ATP11A: variants seen among roughly 807,000 people sequenced by gnomAD.
ATP11A encodes the protein phospholipid-transporting ATPase IH.
A neutral mutation model predicts 154.4 loss-of-function variants in ATP11A; 81 were observed. The observed-to-expected ratio is 0.52, with a 90% CI of 0.44 to 0.63. The LOEUF (loss-of-function observed/expected upper bound fraction) is 0.63, where lower values mean the gene tolerates loss of function less well. Among genes scored for constraint, ATP11A ranks in the 30% least tolerant of loss-of-function variants. The pLI is 0.00. For missense variants in ATP11A, 1,316 were observed against 1,474.3 expected, an observed-to-expected ratio of 0.89 and a Z score of 1.76; for synonymous variants, 623 against 585.9, an observed-to-expected ratio of 1.06 and a Z score of -0.91.
intron 2 of ATP11A, among the ~76,000 whole-genome samples, chr13:112,793,765 G>A (rs1048278704): frequency 6.6e-6 from 1 of 152,264 alleles, no homozygotes; most frequent in East Asian, 1.9e-4. Context: ...ACAGCTTGTA[G>A]GTGCTCCTGC....
At position 112,859,283 on chromosome 13, in the gene ATP11A, C is replaced by T. The variant is rs1594199261; in HGVS notation, c.2668-110C>T. On this transcript the variant is annotated intron_variant, in intron 22 of 29. Transcript: ENST00000375645. The surrounding 1 kb of genome is among the most constrained non-coding windows in gnomAD (Gnocchi z 4.3). The stretch of plus-strand genomic sequence containing the variant: ...AACCCATTAGTGCTGTTCTGCCGCA[C>T]GCTGGGTGCACGTGGATCCCTCCTC... 5 of 847,514 alleles carry T rather than the reference C, an allele frequency of 5.9e-6. No homozygotes were observed. The highest frequency in any genetic ancestry group is 4.0e-5 in the South Asian group (3 of 74,110). 52.5% of individuals were successfully genotyped at this position (847,514 alleles called of 1,614,324 possible).
chr13:112,809,897 C>T (rs1168920102), intron 4 of ATP11A, among the ~76,000 whole-genome samples: 1 of 152,202 alleles, frequency 6.6e-6, no homozygotes, highest in Non-Finnish European at 1.5e-5. Flanking sequence ...AATCGGAGTG[C>T]ACGTGTCTGC....
At chr13:112,848,712 A>C (rs762304506) in intron 17 of ATP11A, among the ~76,000 whole-genome samples, 11 of 152,086 alleles carry the variant, frequency 7.2e-5, no homozygotes, top group Non-Finnish European at 1.6e-4. Context: ...TTTGAGACAG[A>C]GTTTTGCTCT....
chr13:112,831,602 A>G, intron 13 of ATP11A, 54 bp downstream of exon 13: 3 of 1,580,894 alleles, frequency 1.9e-6, no homozygotes, highest in South Asian at 2.3e-5. Context: ...GCGGCTGTGC[A>G]TGCTGAGTCC....
At chr13:112,714,270 C>T (rs946587375) in intron 1 of ATP11A, among the ~76,000 whole-genome samples, 44 of 151,976 alleles carry the variant, frequency 2.9e-4, no homozygotes, top group African/African-American at 9.9e-4. Context: ...TTTCCTTCCC[C>T]GATTAGCACC....
At chr13:112,730,493 C>G (rs984319792) in intron 1 of ATP11A, among the ~76,000 whole-genome samples, 5 of 152,356 alleles carry the variant, frequency 3.3e-5, no homozygotes, top group Admixed American at 1.3e-4. Flanking sequence ...TGAATAACTC[C>G]TGACACATCC....
At chr13:112,823,479 G>A (rs572204344) in intron 9 of ATP11A, 70 bp downstream of exon 9, 47 of 1,315,556 alleles carry the variant, frequency 3.6e-5, no homozygotes, top group African/African-American at 1.5e-4. Flanking sequence ...GTTAAAACCC[G>A]CAGCGGAACC....
chr13:112,868,547 A>C (rs2080412547), intron 25 of ATP11A, among the ~76,000 whole-genome samples: 1 of 152,158 alleles, frequency 6.6e-6, no homozygotes, highest in African/African-American at 2.4e-5. Context: ...TCACATGAGG[A>C]CAGGGTTCCA....
rs61961578 is a variant in ATP11A at position 112,862,023 on chromosome 13, C to T, written c.2856-417C>T. 4.7e-3 allele frequency among the ~76,000 whole-genome samples: 212 copies of T among 44,672 alleles called. 3 individuals are homozygous for T. In the East Asian group the frequency reaches 0.11, roughly 22 times the overall value. The allele number at this position is 44,672 out of a possible 152,430, so 29.3% of individuals were successfully genotyped here. ...GTAAGGTGTCACAGCAGGCGTAAGG[C>T]GTCACGTCAGGCGTAAGGTGTCACA... On this transcript the variant is annotated intron_variant, in intron 24 of 29. Transcript: ENST00000375645.
chr13:112,765,489 G>A (rs904345391), intron 1 of ATP11A, among the ~76,000 whole-genome samples: 31 of 152,226 alleles, frequency 2.0e-4, no homozygotes, highest in African/African-American at 7.0e-4. Flanking sequence ...TCTTCTGAGC[G>A]TGTCTCTGGG....
At chr13:112,795,644 C>T (rs1048562113) in intron 2 of ATP11A, among the ~76,000 whole-genome samples, 2 of 152,138 alleles carry the variant, frequency 1.3e-5, no homozygotes, top group Non-Finnish European at 2.9e-5. Context: ...TTTGTGGAAA[C>T]GTATAATTGT....
chr13:112,698,880 C>T (rs1351167386), intron 1 of ATP11A, among the ~76,000 whole-genome samples: 1 of 152,110 alleles, frequency 6.6e-6, no homozygotes, highest in Non-Finnish European at 1.5e-5. Context: ...TGCCACCACG[C>T]CTGTCTCATT....
intron 14 of ATP11A, among the ~76,000 whole-genome samples, chr13:112,834,377 T>C (rs2079176138): frequency 6.6e-6 from 1 of 152,240 alleles, no homozygotes; most frequent in African/African-American, 2.4e-5. Flanking sequence ...TTGGGTTGGG[T>C]AGAAATTCTC....
intron 29 of ATP11A, among the ~76,000 whole-genome samples, chr13:112,879,680 C>T (rs948496783): frequency 2.0e-5 from 3 of 152,222 alleles, no homozygotes; most frequent in Admixed American, 1.3e-4. Context: ...GAACAGAAAG[C>T]GCCTGCAGCC....
At chr13:112,796,690 A>G (rs2078007000) in intron 2 of ATP11A, among the ~76,000 whole-genome samples, 1 of 152,258 alleles carries the variant, frequency 6.6e-6, no homozygotes, top group Admixed American at 6.5e-5. Flanking sequence ...TTATAGCAGC[A>G]TAAGAAACTC....
At position 112,690,367 on chromosome 13, in the gene ATP11A, A is replaced by T; in HGVS notation, c.-50A>T. On this transcript the variant is annotated 5_prime_UTR_variant, in exon 1 of 30. Transcript: ENST00000375645. The surrounding 1 kb of genome is among the most constrained non-coding windows in gnomAD (Gnocchi z 5.6). ...TACCCCGGAGCCCATGGGCGCGCCG[A>T]GCCGGGCGCGGGGGCGCTGAACGGC... 1.6e-6 allele frequency: 2 copies of T among 1,242,928 alleles called. No individual in the cohort carries two copies. The highest frequency in any genetic ancestry group is 2.0e-6 in the Non-Finnish European group (2 of 992,418). The allele number at this position is 1,242,928 out of a possible 1,614,324, so 77.0% of individuals were successfully genotyped here.
rs576884470 is a variant in ATP11A at position 112,860,601 on chromosome 13, C to T, written c.2855+187C>T. The T allele has an allele frequency of 7.8e-6, 5 of 639,222 alleles. No individual in the cohort carries two copies. The African/African-American group carries it at 9.1e-5, about 12-fold the overall frequency. The allele number at this position is 639,222 out of a possible 1,614,324, so 39.6% of individuals were successfully genotyped here. A position where few individuals can be genotyped will look rare whatever the true frequency, so the allele number is the denominator to read the frequency against. On this transcript the variant is annotated intron_variant, in intron 24 of 29. Transcript: ENST00000375645. ...CAACATAGCTCAAATGGAGATTCTT[C>T]AAGTCTTGCTGGATGGTTTATGCTG... is the stretch of plus-strand genomic sequence containing the variant.
rs191516327 is a variant in ATP11A, at chr13:112,731,796, A to G, written c.39+41341A>G. Among the ~76,000 whole-genome samples the G allele has an allele frequency of 5.3e-3, 810 of 152,276 alleles. 6 individuals are homozygous for G. The highest frequency in any genetic ancestry group is 0.019 in the African/African-American group (778 of 41,550). Reference sequence around the variant, plus strand: ...TATCACATCCTATCCTTCAAAAAATATCCCATCTTGCCCTACAAGCCTCTA... The same window carrying G: ...TATCACATCCTATCCTTCAAAAAATGTCCCATCTTGCCCTACAAGCCTCTA... On this transcript the variant is annotated intron_variant, in intron 1 of 29. Transcript: ENST00000375645.
intron 29 of ATP11A, among the ~76,000 whole-genome samples, chr13:112,878,614 G>A (rs1359302401): frequency 1.3e-5 from 2 of 152,238 alleles, no homozygotes; most frequent in South Asian, 2.1e-4. Context: ...CCCTCACACA[G>A]GTGTCAGAGG....
Sources: allele counts gnomAD v4.1 joint callset (sites outside exome capture counted in the v4.1 genomes callset), GRCh38; gene constraint gnomAD v4.1.1; non-coding constraint Gnocchi (gnomAD v3.1); transcripts MANE v1.5; gene names NCBI Gene and HGNC (gene_info 2026-07-23, HGNC 2026-07-21).